The following EBF2 variants were observed in gnomAD, a reference collection of about 807,000 sequenced individuals.
EBF2 encodes EBF transcription factor 2, also known as transcription factor COE2.
EBF2 carries 21 observed loss-of-function variants against 72.8 expected under a neutral mutation model. The ratio of observed to expected loss-of-function variants is 0.29; its 90% CI spans 0.20 to 0.42. The LOEUF (loss-of-function observed/expected upper bound fraction) is 0.42, where lower values mean the gene tolerates loss of function less well. Ranked by LOEUF, EBF2 falls within the 10% of genes least tolerant of loss-of-function variation. The pLI is 1.00. For synonymous variants in EBF2, 299 were observed against 274.2 expected, an observed-to-expected ratio of 1.09 and a Z score of -0.89; for missense variants, 637 against 731.2, an observed-to-expected ratio of 0.87 and a Z score of 1.49.
At chr8:25,950,611 A>G (rs1302269641) in intron 6 of EBF2, among the ~76,000 whole-genome samples, 1 of 152,192 alleles carries the variant, frequency 6.6e-6, no homozygotes, top group East Asian at 1.9e-4. Context: ...GATTTACTGG[A>G]GCCTGACTAA....
chr8:25,851,581 TAAGAA>T (rs1199727721), intron 14 of EBF2, among the ~76,000 whole-genome samples: 3 of 152,160 alleles, frequency 2.0e-5, no homozygotes, highest in Non-Finnish European at 1.5e-5. Flanking sequence ...ATGTTCAACT[TAAGAA>T]AGGAGTAAAC....
intron 6 of EBF2, among the ~76,000 whole-genome samples, chr8:25,965,926 G>A (rs961917381): frequency 3.9e-5 from 6 of 152,252 alleles, no homozygotes; most frequent in African/African-American, 1.4e-4. Context: ...TCAGCAAAGT[G>A]CGTCCTGCCC....
chr8:25,955,727 G>A (rs762938135), intron 6 of EBF2, among the ~76,000 whole-genome samples: 5 of 152,114 alleles, frequency 3.3e-5, no homozygotes, highest in African/African-American at 4.8e-5. Flanking sequence ...GCCATGTTTA[G>A]GGGCACTTGT....
intron 6 of EBF2, among the ~76,000 whole-genome samples, chr8:25,985,481 A>G (rs1804434359): frequency 6.6e-6 from 1 of 152,162 alleles, no homozygotes; most frequent in Admixed American, 6.5e-5. Context: ...TACTTTCTGA[A>G]CAGAAAAAAA....
chr8:25,932,967 A>T (rs1180470152), intron 6 of EBF2, among the ~76,000 whole-genome samples: 4 of 152,202 alleles, frequency 2.6e-5, no homozygotes, highest in Admixed American at 2.0e-4. Flanking sequence ...AAATTATTTG[A>T]ATACCAAAAG....
chr8:25,858,289 G>A, intron 14 of EBF2, 30 bp downstream of exon 14: 1 of 1,612,260 alleles, frequency 6.2e-7, no homozygotes, highest in Non-Finnish European at 8.5e-7. Context: ...AAAAAAGCAT[G>A]GAGAGCCAAG....
intron 7 of EBF2, among the ~76,000 whole-genome samples, chr8:25,895,921 GTA>G (rs1163251269): frequency 3.3e-5 from 3 of 90,260 alleles, no homozygotes; most frequent in South Asian, 3.1e-4. Flanking sequence ...CACCGTGTGT[GTA>G]TGTGTGTGTG....
intron 6 of EBF2, among the ~76,000 whole-genome samples, chr8:25,931,886 CTTA>C (rs373043469): frequency 3.6e-4 from 54 of 151,668 alleles, no homozygotes; most frequent in African/African-American, 1.3e-3. Flanking sequence ...AATCAATGAG[CTTA>C]TTATTAAATA....
chr8:25,939,627 G>A (rs1476287292), intron 6 of EBF2, among the ~76,000 whole-genome samples: 1 of 152,186 alleles, frequency 6.6e-6, no homozygotes, highest in African/African-American at 2.4e-5. Flanking sequence ...TGGCTCAGGA[G>A]GGTTAAGAAA....
At chr8:25,887,757 T>C (rs1416422699) in intron 9 of EBF2, 85 bp downstream of exon 9, 1 of 1,400,028 alleles carries the variant, frequency 7.1e-7, no homozygotes, top group African/African-American at 1.4e-5. Context: ...TATGCTTTTT[T>C]ACCCTTGGTG....
At chr8:25,915,359 G>A (rs1327001031) in intron 6 of EBF2, among the ~76,000 whole-genome samples, 1 of 151,970 alleles carries the variant, frequency 6.6e-6, no homozygotes, top group East Asian at 1.9e-4. Context: ...CCACATGGGG[G>A]ATCCTGTCAT....
At chr8:25,954,980 G>A (rs1431407643) in intron 6 of EBF2, among the ~76,000 whole-genome samples, 1 of 152,228 alleles carries the variant, frequency 6.6e-6, no homozygotes, top group African/African-American at 2.4e-5. Context: ...GGACTCAGAC[G>A]CAGCGCGCCA....
chr8:25,891,286 G>T (rs565944643), intron 7 of EBF2, among the ~76,000 whole-genome samples: 1 of 152,226 alleles, frequency 6.6e-6, no homozygotes, highest in South Asian at 2.1e-4. Context: ...CCTGGGTGGA[G>T]CTCCCACCGA....
intron 6 of EBF2, among the ~76,000 whole-genome samples, chr8:25,934,273 AC>A (rs1256752358): frequency 7.3e-6 from 1 of 136,298 alleles, no homozygotes; most frequent in Admixed American, 7.4e-5. Context: ...ACACACACAC[AC>A]ACCAATCTTG....
chr8:25,989,017 T>C (rs1347645495), intron 6 of EBF2, among the ~76,000 whole-genome samples: 1 of 152,202 alleles, frequency 6.6e-6, no homozygotes, highest in African/African-American at 2.4e-5. Flanking sequence ...AGTTGCGGTG[T>C]AGAGGAAAGA....
At chr8:26,029,139 CTCCAA>C (rs994177415) in intron 6 of EBF2, among the ~76,000 whole-genome samples, 77 of 152,300 alleles carry the variant, frequency 5.1e-4, no homozygotes, top group African/African-American at 1.8e-3. Flanking sequence ...CTATTGTAAA[CTCCAA>C]TGGTTTTCAA....
At chr8:25,942,497 TC>T (rs1803690203) in intron 6 of EBF2, among the ~76,000 whole-genome samples, 1 of 152,182 alleles carries the variant, frequency 6.6e-6, no homozygotes, top group Admixed American at 6.5e-5. Context: ...GGACACAATG[TC>T]CCCTTGGGGC....
At chr8:26,008,495 G>C (rs1025894135) in intron 6 of EBF2, among the ~76,000 whole-genome samples, 9 of 151,926 alleles carry the variant, frequency 5.9e-5, no homozygotes, top group Middle Eastern at 3.2e-3. Context: ...ACAGTGGTTG[G>C]AACCCAAGGA....
intron 6 of EBF2, among the ~76,000 whole-genome samples, chr8:25,956,431 A>G (rs1803949455): frequency 6.6e-6 from 1 of 152,100 alleles, no homozygotes; most frequent in African/African-American, 2.4e-5. Flanking sequence ...TATTATTATT[A>G]TAATGAAGTA....
Sources: gnomAD v4.1 joint callset for allele counts (sites outside exome capture counted in the v4.1 genomes callset) on GRCh38, gnomAD v4.1.1 for gene constraint, MANE v1.5 for transcripts, NCBI Gene and HGNC (gene_info 2026-07-23, HGNC 2026-07-21) for gene names.